The following NTNG2 variants were observed in gnomAD, a reference collection of about 807,000 sequenced individuals.
NTNG2 encodes the protein netrin-G2.
In NTNG2, 15 loss-of-function variants were observed where a neutral mutation model predicts 47.6. The ratio of observed to expected loss-of-function variants is 0.32; its 90% CI spans 0.21 to 0.49. The LOEUF is 0.49. Ranked by LOEUF, NTNG2 falls within the 20% of genes least tolerant of loss-of-function variation. The pLI is 0.99. For missense variants in NTNG2, 578 were observed against 764.6 expected (o/e 0.76, Z 2.88); for synonymous variants, 307 against 324.6 (o/e 0.95, Z 0.58).
chr9:132,188,509 C>T (rs1224556841), intron 2 of NTNG2, among the ~76,000 whole-genome samples: 1 of 152,264 alleles, frequency 6.6e-6, no homozygotes, highest in Non-Finnish European at 1.5e-5. Flanking sequence ...GACCCTGCGA[C>T]ATTGCTCAGC....
chr9:132,174,162 ACGG>A (rs1836205132), intron 2 of NTNG2, among the ~76,000 whole-genome samples: 1 of 148,082 alleles, frequency 6.8e-6, no homozygotes, highest in Admixed American at 6.7e-5. Context: ...TGCGGATGAG[ACGG>A]ACGGACGGAC....
chr9:132,167,841 C>T (rs971466066), intron 2 of NTNG2, among the ~76,000 whole-genome samples: 2 of 152,156 alleles, frequency 1.3e-5, no homozygotes, highest in African/African-American at 4.8e-5. Context: ...GATGCCATTG[C>T]GAGGAGTCCT....
In NTNG2 at chr9:132,208,975, T is replaced by C. The variant is rs189717452; in HGVS notation, c.857+10366T>C. Among the ~76,000 whole-genome samples the C allele has an allele frequency of 1.6e-3, 251 of 152,276 alleles. No homozygotes were observed. Among genetic ancestry groups the C allele is most frequent in the African/African-American group, 5.7e-3 (235 of 41,562 alleles). ...TTCAAGGGGTCTCCTTCGTTCTCAC[T>C]GTGCCTCTGAGGCTTATGGCGTGGC... is the stretch of plus-strand genomic sequence containing the variant. On this transcript the variant is annotated intron_variant, in intron 3 of 7. Coordinates refer to ENST00000393229, the MANE Select transcript of NTNG2 (RefSeq NM_032536.4). This position sits in a 1 kb window ranked among gnomAD's most constrained non-coding sequence, Gnocchi z 4.0.
intron 2 of NTNG2, among the ~76,000 whole-genome samples, chr9:132,183,549 C>T (rs573101931): frequency 4.6e-5 from 7 of 152,330 alleles, no homozygotes; most frequent in South Asian, 2.1e-4. Flanking sequence ...TGCCCCAGCC[C>T]GTCACCTCCA....
rs1350080607 is a variant in NTNG2, at chr9:132,215,750, A to T, written c.858-11099A>T. Among the ~76,000 whole-genome samples, 1 of 152,032 alleles carries T rather than the reference A, an allele frequency of 6.6e-6. No individual in the cohort carries two copies. The highest frequency in any genetic ancestry group is 1.9e-4 in the East Asian group (1 of 5,192). On this transcript the variant is annotated intron_variant, in intron 3 of 7. Coordinates refer to ENST00000393229, the MANE Select transcript of NTNG2 (RefSeq NM_032536.4). The surrounding 1 kb of genome is among the most constrained non-coding windows in gnomAD (Gnocchi z 4.2). Reference sequence around the variant, plus strand: ...AGAGAGGCTCTGGGGTGGGTGTTGGACGGGACAGCATGAATAAGGGGCCCT... The same window carrying T: ...AGAGAGGCTCTGGGGTGGGTGTTGGTCGGGACAGCATGAATAAGGGGCCCT...
At position 132,166,817 on chromosome 9, in the gene NTNG2, GCAGA is replaced by G; in HGVS notation, c.-13_-10del. The G allele has an allele frequency of 6.2e-7, 1 of 1,612,800 alleles. No homozygotes were observed. Among genetic ancestry groups the G allele is most frequent in the Non-Finnish European group, 8.5e-7 (1 of 1,179,552 alleles). On this transcript the variant is annotated 5_prime_UTR_variant, in exon 2 of 8. Coordinates refer to ENST00000393229, the MANE Select transcript of NTNG2 (RefSeq NM_032536.4). Reference sequence around the variant, plus strand: ...CAGGGCTTCTCTGGGCCGCGCCTCTGCAGACTGCGCAGCCATGCTGCATCTGCTG... The same window carrying G: ...CAGGGCTTCTCTGGGCCGCGCCTCTGCTGCGCAGCCATGCTGCATCTGCTG...
Position 132,180,390 on chromosome 9 carries a change from G to A in NTNG2, c.213+13346G>A, listed in dbSNP as rs191756172. ...CCCTCCCTCTGGGGGATCAAGAGAT[G>A]GCCAAAAGCAGGTGGCAGCAAGTGG... On this transcript the variant is annotated intron_variant, in intron 2 of 7. Transcript: ENST00000393229. This position sits in a 1 kb window ranked among gnomAD's most constrained non-coding sequence, Gnocchi z 4.2. Among the ~76,000 whole-genome samples the A allele has an allele frequency of 1.3e-5, 2 of 152,348 alleles. No individual in the cohort carries two copies. The highest frequency in any genetic ancestry group is 3.9e-4 in the East Asian group (2 of 5,186).
At chr9:132,188,753 C>T (rs1238358429) in intron 2 of NTNG2, among the ~76,000 whole-genome samples, 1 of 152,194 alleles carries the variant, frequency 6.6e-6, no homozygotes, top group Non-Finnish European at 1.5e-5. Flanking sequence ...GTGCACCTGG[C>T]ATCATTCCTA....
chr9:132,169,290 G>A (rs555668737), intron 2 of NTNG2, among the ~76,000 whole-genome samples: 5 of 152,364 alleles, frequency 3.3e-5, no homozygotes, highest in Admixed American at 1.3e-4. Context: ...ATGTGTGTCC[G>A]ATGAGGACGG....
At chr9:132,213,579 T>C (rs569033588) in intron 3 of NTNG2, among the ~76,000 whole-genome samples, 1 of 152,266 alleles carries the variant, frequency 6.6e-6, no homozygotes, top group South Asian at 2.1e-4. Flanking sequence ...TGCTTCAGCC[T>C]CCTCCTTCAT....
chr9:132,176,782 G>A (rs1490627691), intron 2 of NTNG2, among the ~76,000 whole-genome samples: 1 of 152,134 alleles, frequency 6.6e-6, no homozygotes, highest in Admixed American at 6.6e-5. Context: ...TTTTCTACAG[G>A]TGCTGCACCT....
In NTNG2 at chr9:132,162,555, T is replaced by TGTGTGTGTGA. The variant is rs112179857; in HGVS notation, c.-484+317_-484+318insTGTGTGTGAG. ...GTGAGAGTGTGTGTGTGTGTGTGTG[T>TGTGTGTGTGA]GAGAGAGAGACAGAGTGTGTGTGTG... On this transcript the variant is annotated intron_variant, in intron 1 of 7. Coordinates refer to ENST00000393229, the MANE Select transcript of NTNG2 (RefSeq NM_032536.4). This position sits in a 1 kb window ranked among gnomAD's most constrained non-coding sequence, Gnocchi z 4.6. 5.1e-4 allele frequency among the ~76,000 whole-genome samples: 71 copies of TGTGTGTGTGA among 139,470 alleles called. 4 individuals carry two copies. The East Asian group carries it at 8.0e-3, about 16-fold the overall frequency. The allele number at this position is 139,470 out of a possible 152,430, so 91.5% of individuals were successfully genotyped here.
chr9:132,161,949 C>T (rs1314404270), upstream of NTNG2: 1 of 150,826 alleles, frequency 6.6e-6, no homozygotes, highest in African/African-American at 2.4e-5. This position sits in a 1 kb window ranked among gnomAD's most constrained non-coding sequence, Gnocchi z 7.2. Flanking sequence ...CGACCTCCCG[C>T]TCAGCCCGGG....
In NTNG2 at chr9:132,198,387, G is replaced by A. The variant is rs1390990783; in HGVS notation, c.635G>A (p.Arg212His). The stretch of plus-strand genomic sequence containing the variant: ...GGCTCCAAGAAGGAGAAGCACGTGC[G>A]CTTCGAGGTGCGGGACCGCTTCGCC... ...WAGSKKEKHV[R>H]FEVRDRFAIF... is the part of the protein sequence containing the mutation. Residue 212 changes from arginine to histidine, a missense_variant, in exon 3 of 8, where the codon CGC becomes CAC. Transcript: ENST00000393229. 1.2e-6 allele frequency: 2 copies of A among 1,613,012 alleles called. No homozygotes were observed. Among genetic ancestry groups the A allele is most frequent in the East Asian group, 2.2e-5 (1 of 44,880 alleles).
intron 2 of NTNG2, among the ~76,000 whole-genome samples, chr9:132,187,667 T>C (rs1837510764): frequency 6.6e-6 from 1 of 151,758 alleles, no homozygotes; most frequent in African/African-American, 2.4e-5. Flanking sequence ...CCGCTAGAAT[T>C]AGAATCAGCT....
chr9:132,207,907 C>T (rs1221042723), intron 3 of NTNG2, among the ~76,000 whole-genome samples: 2 of 152,088 alleles, frequency 1.3e-5, no homozygotes, highest in Admixed American at 1.3e-4. Flanking sequence ...AGTTCAAGAC[C>T]AGCTTGGGCC....
intron 6 of NTNG2, chr9:132,240,570 C>T: frequency 2.4e-6 from 1 of 416,558 alleles, no homozygotes; most frequent in Non-Finnish European, 4.5e-6. Context: ...GTTTCTGCCA[C>T]CTGTCGGAGT....
At position 132,231,422 on chromosome 9, in the gene NTNG2, C is replaced by A; in HGVS notation, c.1054+827C>A. The A allele has an allele frequency of 2.3e-6, 1 of 442,038 alleles. No homozygotes were observed. Among genetic ancestry groups the A allele is most frequent in the Non-Finnish European group, 4.6e-6 (1 of 218,702 alleles). The allele number at this position is 442,038 out of a possible 1,614,324, so 27.4% of individuals were successfully genotyped here. A position where few individuals can be genotyped will look rare whatever the true frequency, so the allele number is the denominator to read the frequency against. On this transcript the variant is annotated intron_variant, in intron 5 of 7. Transcript: ENST00000393229. The surrounding 1 kb of genome is among the most constrained non-coding windows in gnomAD (Gnocchi z 4.1). ...CAGAGATGCTTCTGGGGTGCACCGT[C>A]ACCCTCCACCAGGGCTCTGTGGGGC...
intron 3 of NTNG2, among the ~76,000 whole-genome samples, chr9:132,209,409 A>AC (rs952704068): frequency 1.3e-5 from 2 of 152,200 alleles, no homozygotes; most frequent in Non-Finnish European, 2.9e-5. Flanking sequence ...CTCCGCGGTG[A>AC]CGATGACGCC....
Sources: gnomAD v4.1 joint callset for allele counts (sites outside exome capture counted in the v4.1 genomes callset) on GRCh38, gnomAD v4.1.1 for gene constraint, Gnocchi (gnomAD v3.1) non-coding constraint, MANE v1.5 for transcripts, NCBI Gene and HGNC (gene_info 2026-07-23, HGNC 2026-07-21) for gene names.